Variants in CCDC91 observed in about 807,000 individuals in gnomAD.
CCDC91 encodes the protein coiled-coil domain-containing protein 91.
CCDC91 carries 48 observed loss-of-function variants against 63.2 expected under a neutral mutation model. The ratio of observed to expected loss-of-function variants is 0.76; its 90% CI spans 0.60 to 0.97. CCDC91 has a LOEUF of 0.97. Among genes scored for constraint, CCDC91 ranks in the 50% least tolerant of loss-of-function variants. The pLI, the probability that CCDC91 is intolerant of heterozygous loss-of-function variation, is 0.00. For missense variants in CCDC91, 500 were observed against 494.6 expected (o/e 1.01, Z -0.10); for synonymous variants, 167 against 165.8 (o/e 1.01, Z -0.06).
At chr12:28,350,010 A>G (rs1943074247) in intron 6 of CCDC91, among the ~76,000 whole-genome samples, 1 of 152,138 alleles carries the variant, frequency 6.6e-6, no homozygotes, top group Non-Finnish European at 1.5e-5. Flanking sequence ...CTGCAGTATT[A>G]TTGAATTATT....
intron 3 of CCDC91, among the ~76,000 whole-genome samples, chr12:28,282,510 T>C (rs187499375): frequency 1.3e-5 from 2 of 152,286 alleles, no homozygotes; most frequent in African/African-American, 4.8e-5. Context: ...CACTTGTTGG[T>C]TGATAGGCAC....
At position 28,257,259 on chromosome 12, in the gene CCDC91, T is replaced by C; in HGVS notation, c.30+14T>C. The C allele has an allele frequency of 1.3e-6, 2 of 1,580,856 alleles. No individual in the cohort carries two copies. The highest frequency in any genetic ancestry group is 1.7e-6 in the Non-Finnish European group (2 of 1,151,278). On this transcript the variant is annotated intron_variant, in intron 2 of 12. Transcript: ENST00000536442. ...GGTGGTTTTGAGGTATGCACTGTTA[T>C]TTACATTAGTTTGTTTTAACTTTGT...
At chr12:28,484,347 C>T in intron 12 of CCDC91, 182 bp downstream of exon 12, 1 of 325,644 alleles carries the variant, frequency 3.1e-6, no homozygotes, top group Non-Finnish European at 5.6e-6. Context: ...AAACATAAAT[C>T]CCATCTGTCA....
intron 6 of CCDC91, among the ~76,000 whole-genome samples, chr12:28,345,127 C>T (rs1942714798): frequency 6.6e-6 from 1 of 152,104 alleles, no homozygotes; most frequent in South Asian, 2.1e-4. Context: ...AGGCCCCCTT[C>T]CCATGGTATC....
In CCDC91 at chr12:28,298,727, T is replaced by TAAAA. The variant is rs138233289; in HGVS notation, c.110-6915_110-6912dup. ...TTATGTTAGCATTTCCTTGATTTTG[T>TAAAA]AAAAAAAAAACAACAACAACAACAA... is the stretch of plus-strand genomic sequence containing the variant. On this transcript the variant is annotated intron_variant, in intron 3 of 12. Coordinates refer to ENST00000536442, the MANE Select transcript of CCDC91 (RefSeq NM_018318.5). 1.2e-3 allele frequency among the ~76,000 whole-genome samples: 174 copies of TAAAA among 145,548 alleles called. 1 individual carries two copies. Among genetic ancestry groups the TAAAA allele is most frequent in the African/African-American group, 3.4e-3 (135 of 40,062 alleles).
At chr12:28,454,006 A>G (rs1592718821) in intron 11 of CCDC91, among the ~76,000 whole-genome samples, 1 of 152,176 alleles carries the variant, frequency 6.6e-6, no homozygotes, top group Middle Eastern at 3.2e-3. Flanking sequence ...AACATGCAGT[A>G]TATGATACAC....
At chr12:28,343,656 T>C (rs1942601688) in intron 6 of CCDC91, among the ~76,000 whole-genome samples, 2 of 152,306 alleles carry the variant, frequency 1.3e-5, no homozygotes, top group Middle Eastern at 3.4e-3. Flanking sequence ...TTTTCATCTT[T>C]ATGGTCTTTT....
At position 28,450,263 on chromosome 12, in the gene CCDC91, T is replaced by C. The variant is rs772551921; in HGVS notation, c.855+10T>C. On this transcript the variant is annotated intron_variant, in intron 9 of 12. Coordinates refer to ENST00000536442, the MANE Select transcript of CCDC91 (RefSeq NM_018318.5). ...ATCTCAAGAACAGAAGGTAATACTT[T>C]AACTGTGCTCAGAGTGTAGAAAGAA... 9 of 1,592,394 alleles carry C rather than the reference T, an allele frequency of 5.7e-6. No individual in the cohort carries two copies. Among genetic ancestry groups the C allele is most frequent in the South Asian group, 3.3e-5 (3 of 90,482 alleles).
At chr12:28,432,191 C>T (rs1948666469) in intron 8 of CCDC91, among the ~76,000 whole-genome samples, 1 of 151,870 alleles carries the variant, frequency 6.6e-6, no homozygotes, top group South Asian at 2.1e-4. Flanking sequence ...CTTTTTAGCG[C>T]TGAATAATAG....
chr12:28,464,818 A>C (rs1592748372), intron 11 of CCDC91, among the ~76,000 whole-genome samples: 1 of 152,056 alleles, frequency 6.6e-6, no homozygotes, highest in Admixed American at 6.6e-5. Flanking sequence ...TAGAGGGAAA[A>C]GTAAAGGGGA....
At chr12:28,339,069 G>A (rs1592356541) in intron 6 of CCDC91, among the ~76,000 whole-genome samples, 1 of 152,080 alleles carries the variant, frequency 6.6e-6, no homozygotes, top group Non-Finnish European at 1.5e-5. Flanking sequence ...TGGAACCCCC[G>A]ACCTCAGGTG....
At chr12:28,452,343 A>G (rs1949845732) in intron 10 of CCDC91, 135 bp from the exon 11 acceptor site, 1 of 495,814 alleles carries the variant, frequency 2.0e-6, no homozygotes, top group Non-Finnish European at 3.6e-6. Flanking sequence ...GTTATTTACT[A>G]TGCATAAAAA....
intron 6 of CCDC91, among the ~76,000 whole-genome samples, chr12:28,308,612 T>G (rs1938994135): frequency 6.6e-6 from 1 of 151,884 alleles, no homozygotes; most frequent in African/African-American, 2.4e-5. Context: ...TTTTTCTTTT[T>G]CCTAATGTCC....
At chr12:28,436,671 C>G (rs999357913) in intron 8 of CCDC91, among the ~76,000 whole-genome samples, 2 of 151,840 alleles carry the variant, frequency 1.3e-5, no homozygotes, top group African/African-American at 2.4e-5. Flanking sequence ...GATTTTCTAG[C>G]AACAGATTAT....
At chr12:28,357,732 C>G (rs1205834181) in intron 6 of CCDC91, among the ~76,000 whole-genome samples, 3 of 152,036 alleles carry the variant, frequency 2.0e-5, no homozygotes, top group Non-Finnish European at 4.4e-5. Context: ...TTTGACTTAT[C>G]TGGGCCTCAG....
intron 8 of CCDC91, among the ~76,000 whole-genome samples, chr12:28,404,806 A>G (rs1310007275): frequency 6.6e-6 from 1 of 151,920 alleles, no homozygotes; most frequent in Non-Finnish European, 1.5e-5. Flanking sequence ...ATATAGCTAC[A>G]TGTGTTTCTT....
At chr12:28,202,013 AGAGG>A (rs1194169397) in intron 1 of CCDC91, among the ~76,000 whole-genome samples, 3 of 151,930 alleles carry the variant, frequency 2.0e-5, no homozygotes, top group African/African-American at 7.2e-5. Flanking sequence ...CGGGAGAGGG[AGAGG>A]GAGAGGGAGA....
At chr12:28,257,294 A>G (rs756947120) in intron 2 of CCDC91, 49 bp downstream of exon 2, 25 of 1,233,274 alleles carry the variant, frequency 2.0e-5, no homozygotes, top group Non-Finnish European at 3.0e-5. Flanking sequence ...TGGGATTATA[A>G]TGGAGTAAAC....
At chr12:28,429,275 T>C (rs1948501093) in intron 8 of CCDC91, among the ~76,000 whole-genome samples, 1 of 152,228 alleles carries the variant, frequency 6.6e-6, no homozygotes, top group Non-Finnish European at 1.5e-5. Context: ...TACTTGTTTT[T>C]ATCACAGTCA....
Sources: allele counts gnomAD v4.1 joint callset (sites outside exome capture counted in the v4.1 genomes callset), GRCh38; gene constraint gnomAD v4.1.1; transcripts MANE v1.5; gene names NCBI Gene and HGNC (gene_info 2026-07-23, HGNC 2026-07-21).